Variants in LGALS12 observed in about 807,000 individuals in gnomAD.
LGALS12 encodes galectin 12.
LGALS12 carries 36 observed loss-of-function variants against 36.8 expected under a neutral mutation model. The observed-to-expected ratio is 0.98, with a 90% confidence interval of 0.75 to 1.29. The LOEUF is 1.29. Among genes scored for constraint, LGALS12 ranks in the 50% most tolerant of loss-of-function variants. The pLI is 0.00. For synonymous variants in LGALS12, 145 were observed against 155.9 expected (o/e 0.93, Z 0.52); for missense variants, 366 against 394.3 (o/e 0.93, Z 0.61).
In LGALS12 at chr11:63,511,070, C is replaced by T; in HGVS notation, c.532-9C>T. On this transcript the variant is annotated splice_polypyrimidine_tract_variant and intron_variant, in intron 5 of 8. Coordinates refer to ENST00000394618, the MANE Select transcript of LGALS12 (RefSeq NM_033101.4). ...ATGGCCTTGTGTCCTCTCTTTCTTT[C>T]CCTGACAGCCTTTCCTGCTGATGAG... is the stretch of plus-strand genomic sequence containing the variant. 6.2e-7 allele frequency: 1 copy of T among 1,613,634 alleles called. No homozygotes were observed. Among genetic ancestry groups the T allele is most frequent in the Non-Finnish European group, 8.5e-7 (1 of 1,179,796 alleles).
chr11:63,509,310 G>A (rs1036075118), intron 3 of LGALS12, among the ~76,000 whole-genome samples: 3 of 152,226 alleles, frequency 2.0e-5, no homozygotes, highest in African/African-American at 7.2e-5. Flanking sequence ...ACCCCATTAG[G>A]TAGGTACCTT....
chr11:63,509,006 G>C lies in LGALS12; in HGVS notation c.372+15G>C. 1 of 1,598,668 alleles carries C rather than the reference G, an allele frequency of 6.3e-7. No homozygotes were observed. The highest frequency in any genetic ancestry group is 8.6e-7 in the Non-Finnish European group (1 of 1,166,440). On this transcript the variant is annotated intron_variant, in intron 3 of 8. Coordinates refer to ENST00000394618, the MANE Select transcript of LGALS12 (RefSeq NM_033101.4). ...AGGAAGTGAAGGTGAAGGAAGGGAC[G>C]GGCATTGGGTGGTCTAGAATTTGTG...
rs1335158248 is a variant in LGALS12 at position 63,511,105 on chromosome 11, G to A, written c.558G>A (p.Leu186=). The change falls in exon 6 of 9, where the codon CTG becomes CTA. Residue 186 remains leucine, a splice_region_variant and synonymous_variant. Coordinates refer to ENST00000394618, the MANE Select transcript of LGALS12 (RefSeq NM_033101.4). ...GHPFLLMSPR[L]EVPCSHALPQ... is the part of the protein sequence containing the mutation. ...CTTTCCTGCTGATGAGCCCCAGGCT[G>A]GTGAGTGAACCTCCCTCCTGCTCTG... The A allele has an allele frequency of 4.3e-6, 7 of 1,613,374 alleles. No homozygotes were observed. The highest frequency in any genetic ancestry group is 1.3e-5 in the African/African-American group (1 of 75,060).
intron 3 of LGALS12, 57 bp from the exon 4 acceptor site, chr11:63,509,721 G>A: frequency 6.2e-7 from 1 of 1,601,004 alleles, no homozygotes; most frequent in East Asian, 2.2e-5. Context: ...CTGGGACATT[G>A]TTATGAACTC....
intron 3 of LGALS12, 111 bp downstream of exon 3, chr11:63,509,102 G>A: frequency 1.1e-6 from 1 of 881,568 alleles, no homozygotes; most frequent in South Asian, 1.6e-5. Context: ...TAGTGGTCAG[G>A]TACCAAGAGG....
chr11:63,516,351 C>T lies in LGALS12; in HGVS notation c.903C>T (p.Leu301=). 1 of 1,613,930 alleles carries T rather than the reference C, an allele frequency of 6.2e-7. No homozygotes were observed. Among genetic ancestry groups the T allele is most frequent in the Non-Finnish European group, 8.5e-7 (1 of 1,179,976 alleles). The change falls in exon 9 of 9, where the codon CTC becomes CTT. Residue 301 remains leucine (L), a synonymous_variant. Transcript: ENST00000394618. ...AGGCCCTGGAGCAGCTGCGGGAGCT[C>T]CGGATCAGTGGAAGTGTCCAGCTCT... ...NQQALEQLRE[L]RISGSVQLYC...
chr11:63,508,202 C>G, intron 1 of LGALS12: 1 of 1,143,642 alleles, frequency 8.7e-7, no homozygotes, highest in Non-Finnish European at 1.1e-6. Context: ...AGCCCCAGTA[C>G]CAGGCTTCTG....
chr11:63,515,414 GCTGT>G, intron 7 of LGALS12, 145 bp from the exon 8 acceptor site: 1 of 785,788 alleles, frequency 1.3e-6, no homozygotes, highest in Non-Finnish European at 2.0e-6. Flanking sequence ...CAGCCATGAG[GCTGT>G]CATAGGCCCT....
chr11:63,508,924 C>T lies in LGALS12; in HGVS notation c.305C>T (p.Pro102Leu), dbSNP rs1272590355. 3.7e-5 allele frequency: 60 copies of T among 1,614,100 alleles called. No homozygotes were observed. In the Admixed American group the frequency reaches 8.8e-4, roughly 24 times the overall value. ...GGRWQREARW[P>L]HLALRRGSSF... ...CGCTGGCAAAGGGAGGCCCGGTGGC[C>T]CCACCTGGCCCTGCGAAGAGGCTCC... The change falls in exon 3 of 9, where the codon CCC becomes CTC. Residue 102 changes from proline to leucine, a missense_variant. Pro to Leu is a moderately conservative substitution (Grantham distance 98). Coordinates refer to ENST00000394618, the MANE Select transcript of LGALS12 (RefSeq NM_033101.4).
chr11:63,511,258 C>A (rs1019278145), intron 6 of LGALS12, among the ~76,000 whole-genome samples, 153 bp downstream of exon 6: 1 of 152,092 alleles, frequency 6.6e-6, no homozygotes, highest in Admixed American at 6.6e-5. Context: ...GCAGCTTATG[C>A]CCCCAGCCGC....
rs762355662 is a variant in LGALS12, at chr11:63,516,342, G to A, written c.894G>A (p.Leu298=). 2.5e-6 allele frequency: 4 copies of A among 1,613,708 alleles called. No individual in the cohort carries two copies. In the East Asian group the frequency reaches 6.7e-5, roughly 27 times the overall value. The part of the protein sequence containing the change: ...TSMNQQALEQ[L]RELRISGSVQ... Reference sequence around the variant, plus strand: ...TGAACCAGCAGGCCCTGGAGCAGCTGCGGGAGCTCCGGATCAGTGGAAGTG... The same window carrying A: ...TGAACCAGCAGGCCCTGGAGCAGCTACGGGAGCTCCGGATCAGTGGAAGTG... Residue 298 remains leucine (L), a synonymous_variant, in exon 9 of 9, where the codon CTG becomes CTA. Coordinates refer to ENST00000394618, the MANE Select transcript of LGALS12 (RefSeq NM_033101.4).
At chr11:63,515,123 G>A (rs756410203) in intron 7 of LGALS12, among the ~76,000 whole-genome samples, 1 of 152,218 alleles carries the variant, frequency 6.6e-6, no homozygotes, top group Non-Finnish European at 1.5e-5. Flanking sequence ...CTAGAAAGTA[G>A]CAGAGCCAGG....
In LGALS12 at chr11:63,506,360, T is replaced by C. The variant is rs2016742225; in HGVS notation, c.-99T>C. Reference sequence around the variant, plus strand: ...AGGTGAGACTAACAGCTGGGAGAGCTGCTCCAGGCATTTAGGACCCTGACT... The same window carrying C: ...AGGTGAGACTAACAGCTGGGAGAGCCGCTCCAGGCATTTAGGACCCTGACT... On this transcript the variant is annotated 5_prime_UTR_variant, in exon 1 of 9. Coordinates refer to ENST00000394618, the MANE Select transcript of LGALS12 (RefSeq NM_033101.4). 6.2e-7 allele frequency: 1 copy of C among 1,613,626 alleles called. No homozygotes were observed. Among genetic ancestry groups the C allele is most frequent in the Non-Finnish European group, 8.5e-7 (1 of 1,179,720 alleles).
At chr11:63,508,511 CT>C in intron 1 of LGALS12, 41 bp from the exon 2 acceptor site, 1 of 1,613,334 alleles carries the variant, frequency 6.2e-7, no homozygotes, top group Non-Finnish European at 8.5e-7. Context: ...TCCCTAAGCC[CT>C]TTCTCCAAAC....
At chr11:63,506,817 G>C (rs2016755850) in intron 1 of LGALS12, among the ~76,000 whole-genome samples, 2 of 152,198 alleles carry the variant, frequency 1.3e-5, no homozygotes, top group South Asian at 4.1e-4. Context: ...GGATGAGGGT[G>C]TGGGGGTAGG....
intron 4 of LGALS12, 68 bp from the exon 5 acceptor site, chr11:63,510,395 T>C (rs745593078): frequency 1.4e-5 from 22 of 1,519,122 alleles, no homozygotes; most frequent in Non-Finnish European, 2.0e-5. Context: ...TCTGCCCACC[T>C]CCCAGGCATA....
At chr11:63,511,385 T>G (rs1324830998) in intron 6 of LGALS12, among the ~76,000 whole-genome samples, 3 of 152,214 alleles carry the variant, frequency 2.0e-5, no homozygotes, top group Non-Finnish European at 4.4e-5. Context: ...CATTACTTGA[T>G]ACTTCTCTGT....
intron 1 of LGALS12, 55 bp downstream of exon 1, chr11:63,506,582 A>G (rs2016749617): frequency 1.9e-6 from 3 of 1,608,712 alleles, no homozygotes; most frequent in Admixed American, 3.3e-5. Context: ...TTCCCTTCCA[A>G]CTGGGCCCAC....
At position 63,512,788 on chromosome 11, in the gene LGALS12, C is replaced by CAAA. The variant is rs35347135; in HGVS notation, c.647+962_647+964dup. On this transcript the variant is annotated intron_variant, in intron 7 of 8. Coordinates refer to ENST00000394618, the MANE Select transcript of LGALS12 (RefSeq NM_033101.4). ...TGGGCAATAGAGCAAGACTCCATCT[C>CAAA]AAAAAAAAAAAAAAAAGATAGAGGG... Among the ~76,000 whole-genome samples, 112 of 111,386 alleles carry CAAA rather than the reference C, an allele frequency of 1.0e-3. 1 individual carries two copies. The highest frequency in any genetic ancestry group is 3.4e-3 in the African/African-American group (106 of 31,328). 73.1% of individuals were successfully genotyped at this position (111,386 alleles called of 152,430 possible). A position where few individuals can be genotyped will look rare whatever the true frequency, so the allele number is the denominator to read the frequency against.
Sources: gnomAD v4.1 joint callset for allele counts (sites outside exome capture counted in the v4.1 genomes callset) on GRCh38, gnomAD v4.1.1 for gene constraint, MANE v1.5 for transcripts, NCBI Gene and HGNC (gene_info 2026-07-23, HGNC 2026-07-21) for gene names.